CCDC148: variants seen among roughly 807,000 people sequenced by gnomAD.
CCDC148 encodes coiled-coil domain containing 148, also known as coiled-coil domain-containing protein 148.
CCDC148 carries 89 observed loss-of-function variants against 85.7 expected under a neutral mutation model. That is an observed-to-expected ratio of 1.04 (90% CI 0.87 to 1.24). The LOEUF is 1.24. CCDC148 is among the 50% of genes most tolerant of loss of function. The pLI is 0.00. For synonymous variants in CCDC148, 230 were observed against 213.9 expected, an observed-to-expected ratio of 1.08 and a Z score of -0.66; for missense variants, 692 against 671.7, an observed-to-expected ratio of 1.03 and a Z score of -0.33.
intron 1 of CCDC148, among the ~76,000 whole-genome samples, chr2:158,362,600 A>C (rs1436213196): frequency 6.6e-6 from 1 of 152,214 alleles, no homozygotes; most frequent in Non-Finnish European, 1.5e-5. Flanking sequence ...GGCAGAAATA[A>C]AGATGTTCTT....
chr2:158,355,761 C>T (rs77956858), intron 2 of CCDC148, among the ~76,000 whole-genome samples: 6 of 124,644 alleles, frequency 4.8e-5, no homozygotes, highest in African/African-American at 1.8e-4. Context: ...AAAAAGAGCC[C>T]GCATCGCCAA....
chr2:158,424,671 C>A, intron 1 of CCDC148: 1 of 190,854 alleles, frequency 5.2e-6, no homozygotes, highest in Non-Finnish European at 1.1e-5. Flanking sequence ...ACCTATGTAA[C>A]AAACCTGCAC....
chr2:158,177,224 T>C (rs1323013015), intron 12 of CCDC148, among the ~76,000 whole-genome samples: 1 of 151,844 alleles, frequency 6.6e-6, no homozygotes, highest in East Asian at 1.9e-4. Context: ...TTGTCCTCCT[T>C]CTACTGAAAA....
chr2:158,212,776 C>T (rs1348232314), intron 11 of CCDC148, among the ~76,000 whole-genome samples: 1 of 152,048 alleles, frequency 6.6e-6, no homozygotes, highest in Non-Finnish European at 1.5e-5. Context: ...AAATAACACG[C>T]AAAATTTTTA....
At chr2:158,433,087 A>ATATATATATATAT (rs1242018411) in intron 1 of CCDC148, among the ~76,000 whole-genome samples, 76 of 51,552 alleles carry the variant, frequency 1.5e-3, no homozygotes, top group East Asian at 9.3e-3. Flanking sequence ...AAAAAAAAAA[A>ATATATATATATAT]AAAAATATAT....
intron 10 of CCDC148, among the ~76,000 whole-genome samples, chr2:158,249,256 T>A (rs1318453484): frequency 6.6e-6 from 1 of 152,202 alleles, no homozygotes; most frequent in East Asian, 1.9e-4. Flanking sequence ...AATATAATAC[T>A]TTTTGTGGTC....
At chr2:158,408,816 C>T (rs568953239) in intron 1 of CCDC148, among the ~76,000 whole-genome samples, 1 of 151,866 alleles carries the variant, frequency 6.6e-6, no homozygotes, top group Non-Finnish European at 1.5e-5. Flanking sequence ...CCAATAATGT[C>T]CAGGGTTCTA....
chr2:158,367,916 G>A (rs1684271761), intron 1 of CCDC148, among the ~76,000 whole-genome samples: 1 of 152,162 alleles, frequency 6.6e-6, no homozygotes, highest in Admixed American at 6.6e-5. Context: ...ATTTAGATCT[G>A]AAAAGTTCAC....
chr2:158,444,114 C>A (rs1227792858), intron 1 of CCDC148, among the ~76,000 whole-genome samples: 1 of 152,110 alleles, frequency 6.6e-6, no homozygotes, highest in Non-Finnish European at 1.5e-5. Context: ...CATAACTGCA[C>A]ATTTTTTTCT....
intron 7 of CCDC148, among the ~76,000 whole-genome samples, chr2:158,333,071 C>A (rs11897175): frequency 6.6e-6 from 1 of 152,038 alleles, no homozygotes; most frequent in Non-Finnish European, 1.5e-5. Context: ...TTGTCTTCTG[C>A]TAGCTTTTGA....
chr2:158,315,833 C>T (rs554160686), intron 7 of CCDC148, among the ~76,000 whole-genome samples: 45 of 152,310 alleles, frequency 3.0e-4, no homozygotes, highest in African/African-American at 9.6e-4. Context: ...AATGACTGAC[C>T]TACCTGGAGG....
intron 9 of CCDC148, among the ~76,000 whole-genome samples, chr2:158,271,039 T>C (rs1383828908): frequency 6.6e-6 from 1 of 152,218 alleles, no homozygotes; most frequent in Non-Finnish European, 1.5e-5. Context: ...TAAATAATTG[T>C]TTAGTTTTAT....
At chr2:158,286,759 C>T (rs537057640) in intron 9 of CCDC148, among the ~76,000 whole-genome samples, 38 of 152,180 alleles carry the variant, frequency 2.5e-4, no homozygotes, top group African/African-American at 8.0e-4. Context: ...ATAAAAGGTA[C>T]TGGGACAACT....
At chr2:158,361,201 G>T (rs951780364) in intron 1 of CCDC148, among the ~76,000 whole-genome samples, 3 of 151,840 alleles carry the variant, frequency 2.0e-5, no homozygotes, top group Admixed American at 1.3e-4. Context: ...ACGTTTGATA[G>T]GTATACCTGA....
At chr2:158,241,781 A>G (rs75795249) in intron 10 of CCDC148, among the ~76,000 whole-genome samples, 2,327 of 152,294 alleles carry the variant, frequency 0.015, 69 homozygotes, top group African/African-American at 0.053. Context: ...AATACTCAAT[A>G]TAACAGTAAA....
At chr2:158,178,316 A>C (rs77531184) in intron 12 of CCDC148, among the ~76,000 whole-genome samples, 1,591 of 152,266 alleles carry the variant, frequency 0.01, 15 homozygotes, top group Non-Finnish European at 0.018. Flanking sequence ...CTACCAAGTA[A>C]AACTATCACA....
intron 1 of CCDC148, among the ~76,000 whole-genome samples, chr2:158,450,071 T>C (rs1440384029): frequency 2.0e-5 from 3 of 152,074 alleles, no homozygotes; most frequent in East Asian, 3.9e-4. Context: ...GTAGGTACTG[T>C]TGTCTTGCTG....
intron 1 of CCDC148, among the ~76,000 whole-genome samples, chr2:158,402,464 A>T (rs1685825170): frequency 1.3e-5 from 2 of 151,502 alleles, no homozygotes; most frequent in Non-Finnish European, 2.9e-5. Flanking sequence ...CAAAACCTGG[A>T]CCAGCATAGC....
intron 11 of CCDC148, among the ~76,000 whole-genome samples, chr2:158,181,825 A>C (rs1473031212): frequency 6.6e-6 from 1 of 151,956 alleles, no homozygotes; most frequent in African/African-American, 2.4e-5. Flanking sequence ...TTTTGAAAGC[A>C]TGAGAGGTTT....
Sources: gnomAD v4.1 joint callset for allele counts (sites outside exome capture counted in the v4.1 genomes callset) on GRCh38, gnomAD v4.1.1 for gene constraint, MANE v1.5 for transcripts, NCBI Gene and HGNC (gene_info 2026-07-23, HGNC 2026-07-21) for gene names.